The following TTN variants were observed in gnomAD, a reference collection of about 807,000 sequenced individuals.
TTN encodes the protein titin.
A neutral mutation model predicts 3,223.0 loss-of-function variants in TTN; 1,525 were observed. That is an observed-to-expected ratio of 0.47 (90% CI 0.45 to 0.49). The LOEUF (loss-of-function observed/expected upper bound fraction) is 0.49. TTN is among the 20% of genes least tolerant of loss of function. TTN has a pLI of 0.00. For synonymous variants in TTN, 14,094 were observed against 15,161.0 expected (o/e 0.93, Z 5.17); for missense variants, 40,786 against 43,424.0 (o/e 0.94, Z 5.40).
chr2:178,646,371 A>G (rs1352219462), intron 216 of TTN, 114 bp downstream of exon 216: 1 of 638,152 alleles, frequency 1.6e-6, no homozygotes, highest in Non-Finnish European at 2.5e-6. Flanking sequence ...ACAACAAAGA[A>G]TACTTTACAT....
intron 145 of TTN, 87 bp from the exon 146 acceptor site, chr2:178,678,004 C>G: frequency 6.4e-7 from 1 of 1,559,180 alleles, no homozygotes; most frequent in Non-Finnish European, 8.7e-7. Context: ...GGCAAATATT[C>G]TGTGATCACA....
intron 220 of TTN, 99 bp downstream of exon 220, chr2:178,641,142 T>C: frequency 1.3e-6 from 1 of 778,016 alleles, no homozygotes; most frequent in Non-Finnish European, 2.1e-6. Flanking sequence ...TATGAAGCCA[T>C]GTTTACATCT....
chr2:178,548,378 C>A lies in TTN; in HGVS notation c.93248G>T (p.Gly31083Val). Residue 31083 changes from glycine (G) to valine (V), a missense_variant, in exon 339 of 363, where the codon GGT becomes GTT. Coordinates refer to ENST00000589042, the MANE Select transcript of TTN (RefSeq NM_001267550.2). The surrounding 1 kb of genome is among the most constrained non-coding windows in gnomAD (Gnocchi z 4.3). ...QIFKVNDLAEGVPYYFRVSAV... is the reference protein window; with the variant it reads ...QIFKVNDLAEVVPYYFRVSAV... ...AGAAACACGGAAATAGTACGGAACACCTTCGGCCAGGTCATTGACCTTGAA... is the reference window on the plus strand; with the variant it reads ...AGAAACACGGAAATAGTACGGAACAACTTCGGCCAGGTCATTGACCTTGAA... 1 of 1,613,878 alleles carries A rather than the reference C, an allele frequency of 6.2e-7. No individual in the cohort carries two copies. The highest frequency in any genetic ancestry group is 8.5e-7 in the Non-Finnish European group (1 of 1,179,822).
rs767706766 is a variant in TTN at position 178,756,569 on chromosome 2, G to C, written c.10907C>G (p.Ala3636Gly). 2.5e-6 allele frequency: 4 copies of C among 1,611,754 alleles called. No homozygotes were observed. The highest frequency in any genetic ancestry group is 3.4e-6 in the Non-Finnish European group (4 of 1,178,404). ...GCTTTCTGCAATTTGTGAAAGGGAT[G>C]CAGTATGGCACAACTGTGTATCTTG... ...SVQDTQLCHT[A>G]SLSQIAESTE... Residue 3636 changes from alanine (A) to glycine (G), a missense_variant, in exon 46 of 363, where the codon GCA becomes GGA. Coordinates refer to ENST00000589042, the MANE Select transcript of TTN (RefSeq NM_001267550.2).
At chr2:178,695,838 G>A (rs2073606285) in intron 114 of TTN, 27 bp downstream of exon 114, 3 of 1,366,512 alleles carry the variant, frequency 2.2e-6, no homozygotes, top group South Asian at 4.4e-5. Flanking sequence ...AGAAAAGAGG[G>A]AAACAAGTCA....
In TTN at chr2:178,622,735, C is replaced by T. The variant is rs571524382; in HGVS notation, c.44848G>A (p.Asp14950Asn). Residue 14950 changes from aspartate (D) to asparagine (N), a missense_variant, in exon 243 of 363, where the codon GAC becomes AAC. Asp to Asn is a conservative substitution (Grantham distance 23). Transcript: ENST00000589042. ...PHVEFLRPLT[D>N]LQVREKEMAR... is the part of the protein sequence containing the mutation. ...ATTTCTTTTTCTCTAACTTGAAGGT[C>T]GGTGAGTGGTCTTAAGAATTCCACA... 36 of 1,605,128 alleles carry T rather than the reference C, an allele frequency of 2.2e-5. No individual in the cohort carries two copies. Among genetic ancestry groups the T allele is most frequent in the African/African-American group, 1.5e-4 (11 of 74,680 alleles).
chr2:178,722,507 T>C lies in TTN; in HGVS notation c.22280A>G (p.Asp7427Gly), dbSNP rs749935348. 1 of 1,613,142 alleles carries C rather than the reference T, an allele frequency of 6.2e-7. No individual in the cohort carries two copies. The highest frequency in any genetic ancestry group is 8.5e-7 in the Non-Finnish European group (1 of 1,179,480). ...AGGTAACCCCACAGTTTGTTCAATG[T>C]CCTTTAATTGTCTTGCAAAAGAAGG... ...LPPSFARQLK[D>G]IEQTVGLPVT... Residue 7427 changes from aspartate to glycine, a missense_variant, in exon 77 of 363, where the codon GAC becomes GGC. Transcript: ENST00000589042.
Position 178,543,583 on chromosome 2 carries a change from C to A in TTN, c.96390G>T (p.Thr32130=). 1 of 1,608,254 alleles carries A rather than the reference C, an allele frequency of 6.2e-7. No individual in the cohort carries two copies. Among genetic ancestry groups the A allele is most frequent in the Non-Finnish European group, 8.5e-7 (1 of 1,179,612 alleles). The part of the protein sequence containing the change: ...DSVTITWEIP[T]IDGGAPVNNY... Reference sequence around the variant, plus strand: ...TGTTGACTGGAGCTCCACCATCAATCGTGGGAATTTCCCAAGTTATAGTCA... The same window carrying A: ...TGTTGACTGGAGCTCCACCATCAATAGTGGGAATTTCCCAAGTTATAGTCA... The change falls in exon 347 of 363, where the codon ACG becomes ACT. Residue 32130 remains threonine, a synonymous_variant. Transcript: ENST00000589042.
chr2:178,554,138 A>G lies in TTN; in HGVS notation c.88973T>C (p.Ile29658Thr), dbSNP rs750026544. The G allele has an allele frequency of 9.9e-6, 16 of 1,613,704 alleles. No individual in the cohort carries two copies. The highest frequency in any genetic ancestry group is 6.6e-5 in the South Asian group (6 of 91,080). ...ACTTATATCACTACCGCCATCTGCA[A>G]TTGGCCTGCTCCATACAACAGTCAT... The part of the protein sequence containing the change: ...NSMTVVWSRP[I>T]ADGGSDISGY... Residue 29658 changes from isoleucine (I) to threonine (T), a missense_variant, in exon 333 of 363, where the codon ATT becomes ACT. Ile to Thr is a moderately conservative substitution (Grantham distance 89). Transcript: ENST00000589042.
intron 23 of TTN, 55 bp from the exon 24 acceptor site, chr2:178,779,173 T>C: frequency 6.2e-7 from 1 of 1,612,908 alleles, no homozygotes; most frequent in Non-Finnish European, 8.5e-7. Flanking sequence ...AGTTATATTT[T>C]AACCAATTTG....
intron 97 of TTN, 35 bp downstream of exon 97, chr2:178,711,027 T>C (rs771105171): frequency 6.5e-6 from 10 of 1,548,972 alleles, no homozygotes; most frequent in Non-Finnish European, 8.7e-6. Flanking sequence ...TATAATACTT[T>C]AATTCTAGAA....
At position 178,569,433 on chromosome 2, in the gene TTN, C is replaced by T; in HGVS notation, c.76699G>A (p.Val25567Ile). 6.2e-7 allele frequency: 1 copy of T among 1,613,260 alleles called. No homozygotes were observed. Among genetic ancestry groups the T allele is most frequent in the East Asian group, 2.2e-5 (1 of 44,760 alleles). The change falls in exon 326 of 363, where the codon GTT (valine) becomes ATT (isoleucine). Residue 25567 changes from valine (V) to isoleucine (I), a missense_variant. Coordinates refer to ENST00000589042, the MANE Select transcript of TTN (RefSeq NM_001267550.2). ...IDVTSSFTSL[V>I]LDNVNRYDSG... ...TCATATCGGTTGACATTGTCAAGAA[C>T]AAGAGAGGTGAAACTGCTAGTGACA...
Position 178,567,850 on chromosome 2 carries a change from G to T in TTN, c.78282C>A (p.Thr26094=). The T allele has an allele frequency of 6.2e-7, 1 of 1,613,408 alleles. No individual in the cohort carries two copies. Among genetic ancestry groups the T allele is most frequent in the Non-Finnish European group, 8.5e-7 (1 of 1,179,580 alleles). Reference sequence around the variant, plus strand: ...TTCTTTTAACCATTATTGGTTCTGGGGTTCCTGGTGGGTCACAGGGATCTC... The same window carrying T: ...TTCTTTTAACCATTATTGGTTCTGGTGTTCCTGGTGGGTCACAGGGATCTC... ...VARDPCDPPG[T]PEPIMVKRNE... The change falls in exon 326 of 363, where the codon ACC becomes ACA. Residue 26094 remains threonine (T), a synonymous_variant. Transcript: ENST00000589042.
At position 178,563,630 on chromosome 2, in the gene TTN, A is replaced by G; in HGVS notation, c.82502T>C (p.Ile27501Thr). Residue 27501 changes from isoleucine to threonine, a missense_variant, in exon 326 of 363, where the codon ATT becomes ACT. Ile to Thr is a moderately conservative substitution (Grantham distance 89, BLOSUM62 -1). Transcript: ENST00000589042. The surrounding 1 kb of genome is among the most constrained non-coding windows in gnomAD (Gnocchi z 4.5). ...TCGTTTTTCAAGAATGTAGCCCTCA[A>G]TTTCGGTACCTCCGTCGTCTACTGG... Reference protein sequence around the residue: ...ARPVDDGGTEIEGYILEKRDK... With the variant: ...ARPVDDGGTETEGYILEKRDK... 1 of 1,613,676 alleles carries G rather than the reference A, an allele frequency of 6.2e-7. No individual in the cohort carries two copies. The highest frequency in any genetic ancestry group is 8.5e-7 in the Non-Finnish European group (1 of 1,179,732).
rs1559387965 is a variant in TTN, at chr2:178,570,204, C to A, written c.75928G>T (p.Ala25310Ser). ...NPFVVPDAPK[A>S]PEVTTVTKDS... ...TTGGTCACTGTTGTGACTTCTGGAGCTTTTGGTGCATCTGGTACTACAAAT... is the reference window on the plus strand; with the variant it reads ...TTGGTCACTGTTGTGACTTCTGGAGATTTTGGTGCATCTGGTACTACAAAT... Residue 25310 changes from alanine to serine, a missense_variant, in exon 326 of 363, where the codon GCT becomes TCT. Transcript: ENST00000589042. 1.2e-6 allele frequency: 2 copies of A among 1,613,422 alleles called. No individual in the cohort carries two copies. The highest frequency in any genetic ancestry group is 1.7e-6 in the Non-Finnish European group (2 of 1,179,608).
chr2:178,543,325 T>C lies in TTN; in HGVS notation c.96648A>G (p.Lys32216=). 1 of 1,613,836 alleles carries C rather than the reference T, an allele frequency of 6.2e-7. No individual in the cohort carries two copies. Among genetic ancestry groups the C allele is most frequent in the Middle Eastern group, 1.7e-4 (1 of 6,060 alleles). Residue 32216 remains lysine (K), a synonymous_variant, in exon 347 of 363, where the codon AAA becomes AAG. Transcript: ENST00000589042. The part of the protein sequence containing the change: ...PAKLEVVDVT[K]STVTLAWEKP... ...TTTCCCAGGCAAGGGTAACAGTGGA[T>C]TTGGTGACATCGACCACTTCTAGCT... is the stretch of plus-strand genomic sequence containing the variant.
Position 178,740,461 on chromosome 2 carries a change from G to A in TTN, c.12772C>T (p.Gln4258Ter). 1 of 1,613,670 alleles carries A rather than the reference G, an allele frequency of 6.2e-7. No homozygotes were observed. The highest frequency in any genetic ancestry group is 8.5e-7 in the Non-Finnish European group (1 of 1,179,788). The change falls in exon 48 of 363, where the codon CAA becomes TAA. Residue 4258 changes from glutamine to a stop codon, truncating the protein, a stop_gained. Transcript: ENST00000589042. LOFTEE classifies it high-confidence loss of function. ...QRVTLQKQEA[Q>*]SALILSQSLA... ...CTCTGACTCAAGATGAGCGCACTTT[G>A]TGCCTCTTGCTTTTGAAGAGTCACT...
chr2:178,700,406 G>A (rs1204983533), intron 111 of TTN, among the ~76,000 whole-genome samples: 1 of 152,194 alleles, frequency 6.6e-6, no homozygotes, highest in Non-Finnish European at 1.5e-5. Context: ...TAGTGACTTA[G>A]CTATAGAAAA....
chr2:178,611,446 A>G lies in TTN; in HGVS notation c.50783T>C (p.Val16928Ala), dbSNP rs772461854. ...GACACCAATAGCATTGACTGCTCTC[A>G]CTCTCAGGACATATTCTTTGTCAGG... is the stretch of plus-strand genomic sequence containing the variant. Reference protein sequence around the residue: ...VVPDKEYVLRVRAVNAIGVSE... With the variant: ...VVPDKEYVLRARAVNAIGVSE... Residue 16928 changes from valine to alanine, a missense_variant, in exon 269 of 363, where the codon GTG becomes GCG. Transcript: ENST00000589042. 8 of 1,612,854 alleles carry G rather than the reference A, an allele frequency of 5.0e-6. No individual in the cohort carries two copies. The East Asian group carries it at 1.6e-4, about 32-fold the overall frequency.
Sources: gnomAD v4.1 joint callset for allele counts (sites outside exome capture counted in the v4.1 genomes callset) on GRCh38, gnomAD v4.1.1 for gene constraint, Gnocchi (gnomAD v3.1) non-coding constraint, MANE v1.5 for transcripts, NCBI Gene and HGNC (gene_info 2026-07-23, HGNC 2026-07-21) for gene names.